LRCH1: variants seen among roughly 807,000 people sequenced by gnomAD.
LRCH1 encodes the protein leucine rich repeats and calponin homology domain containing 1.
Under a neutral mutation model 94.9 loss-of-function variants are expected in LRCH1, and 23 were observed. That is an observed-to-expected ratio of 0.24 (90% CI 0.17 to 0.34). LRCH1 has a LOEUF of 0.34. Among genes scored for constraint, LRCH1 ranks in the 10% least tolerant of loss-of-function variants. The probability of loss-of-function intolerance (pLI) is 1.00; values close to 1 mark genes in which losing one functional copy is unlikely to be tolerated. For missense variants in LRCH1, 790 were observed against 945.9 expected (o/e 0.84, Z 2.16); for synonymous variants, 364 against 354.9 (o/e 1.03, Z -0.29).
At chr13:46,705,619 A>C in intron 13 of LRCH1, 2 of 491,246 alleles carry the variant, frequency 4.1e-6, no homozygotes, top group East Asian at 4.0e-5. Flanking sequence ...CCTGTGTGTC[A>C]GAACCTGGAG....
At chr13:46,638,893 G>A (rs905918552) in intron 1 of LRCH1, among the ~76,000 whole-genome samples, 8 of 152,088 alleles carry the variant, frequency 5.3e-5, no homozygotes, top group Admixed American at 1.3e-4. Context: ...GGTAGTTTTG[G>A]CTTTCCTTAT....
At chr13:46,687,828 T>G in intron 5 of LRCH1, 24 bp from the exon 6 acceptor site, 1 of 1,593,450 alleles carries the variant, frequency 6.3e-7, no homozygotes. Flanking sequence ...AAAATGAATA[T>G]GATTGCTATT....
At chr13:46,717,062 T>A (rs1872358675) in intron 16 of LRCH1, among the ~76,000 whole-genome samples, 1 of 152,130 alleles carries the variant, frequency 6.6e-6, no homozygotes, top group Admixed American at 6.5e-5. Context: ...GGCCTTTTTT[T>A]TTTTAAAACT....
Position 46,743,622 on chromosome 13 carries a change from T to C in LRCH1, c.*1774T>C. The C allele has an allele frequency of 1.0e-6, 1 of 985,556 alleles. No homozygotes were observed. The highest frequency in any genetic ancestry group is 4.7e-5 in the South Asian group (1 of 21,290). The allele number at this position is 985,556 out of a possible 1,614,324, so 61.1% of individuals were successfully genotyped here. ...TTCCAAGTTTTTATCAGCCCATTGA[T>C]ACATGTATTCATGAGCTCTCAGCAT... On this transcript the variant is annotated 3_prime_UTR_variant, in exon 20 of 20. Coordinates refer to ENST00000389797, the MANE Select transcript of LRCH1 (RefSeq NM_001164211.2).
rs796871473 is a variant in LRCH1, at chr13:46,742,064, C to T, written c.*216C>T. 5.9e-5 allele frequency: 83 copies of T among 1,402,362 alleles called. 1 individual carries two copies. The highest frequency in any genetic ancestry group is 2.3e-4 in the South Asian group (15 of 64,938). The allele number at this position is 1,402,362 out of a possible 1,614,324, so 86.9% of individuals were successfully genotyped here. A position where few individuals can be genotyped will look rare whatever the true frequency, so the allele number is the denominator to read the frequency against. On this transcript the variant is annotated 3_prime_UTR_variant, in exon 20 of 20. Transcript: ENST00000389797. ...ATTCCTCTCACTTACTGAAATACAA[C>T]GACGACGACTGCAAAGTGTATGCAC...
In LRCH1 at chr13:46,692,649, A is replaced by T; in HGVS notation, c.1120+8A>T. 1.2e-6 allele frequency: 2 copies of T among 1,605,692 alleles called. No individual in the cohort carries two copies. The highest frequency in any genetic ancestry group is 1.7e-6 in the Non-Finnish European group (2 of 1,173,002). On this transcript the variant is annotated splice_region_variant and intron_variant, in intron 8 of 19. Coordinates refer to ENST00000389797, the MANE Select transcript of LRCH1 (RefSeq NM_001164211.2). ...GCCTTAGCCCCGTTAAAGGTCTGAG[A>T]ATAAAAATGTGGAGAAAGTGCTTGT...
chr13:46,570,322 G>A (rs746536778), intron 1 of LRCH1, among the ~76,000 whole-genome samples: 2 of 152,186 alleles, frequency 1.3e-5, no homozygotes, highest in African/African-American at 2.4e-5. Flanking sequence ...GACATTGACT[G>A]TGCCTTTGCT....
rs2051311563 is a variant in LRCH1 at position 46,652,068 on chromosome 13, T to TG, written c.452+1723_452+1724insG. Among the ~76,000 whole-genome samples, 5 of 134,946 alleles carry TG rather than the reference T, an allele frequency of 3.7e-5. 1 individual carries two copies. Among genetic ancestry groups the TG allele is most frequent in the Admixed American group, 2.2e-4 (3 of 13,480 alleles). 88.5% of individuals were successfully genotyped at this position (134,946 alleles called of 152,430 possible). ...AGGCCTGCTGATGTTTTTTTTTTTTTTTTTTTTGTTTTGTTTTGTTTGTTT... is the reference window on the plus strand; with the variant it reads ...AGGCCTGCTGATGTTTTTTTTTTTTTGTTTTTTTGTTTTGTTTTGTTTGTTT... On this transcript the variant is annotated intron_variant, in intron 2 of 19. Transcript: ENST00000389797.
rs202211483 is a variant in LRCH1 at position 46,692,576 on chromosome 13, C to T, written c.1055C>T (p.Ser352Leu). 394 of 1,613,954 alleles carry T rather than the reference C, an allele frequency of 2.4e-4. No individual in the cohort carries two copies. The highest frequency in any genetic ancestry group is 3.2e-4 in the Non-Finnish European group (377 of 1,179,980). ...EDTVSLNVPM[S>L]NIMEEEQIIK... ...ACTGTTAGCCTCAATGTGCCAATGT[C>T]AAACATCATGGAAGAAGAACAGATC... Residue 352 changes from serine (S) to leucine (L), a missense_variant, in exon 8 of 20, where the codon TCA becomes TTA. Ser to Leu is a moderately radical substitution (Grantham distance 145). This residue lies in a region of LRCH1 where 460 missense variants were observed against 508.9 expected (regional missense o/e 0.90). Transcript: ENST00000389797.
chr13:46,705,240 C>T (rs1871693056), intron 12 of LRCH1, 28 bp from the exon 13 acceptor site: 6 of 1,511,694 alleles, frequency 4.0e-6, no homozygotes, highest in African/African-American at 1.4e-5. Flanking sequence ...CACTTTGTAT[C>T]TTTTTTTTTC....
intron 1 of LRCH1, among the ~76,000 whole-genome samples, chr13:46,571,011 C>T (rs752792379): frequency 1.3e-4 from 20 of 152,338 alleles, no homozygotes; most frequent in Non-Finnish European, 2.2e-4. Context: ...TAAAAGGTAA[C>T]GGCCAGTTGC....
At chr13:46,728,316 A>G (rs1451302990) in intron 17 of LRCH1, among the ~76,000 whole-genome samples, 1 of 152,024 alleles carries the variant, frequency 6.6e-6, no homozygotes, top group Non-Finnish European at 1.5e-5. Context: ...CCTGGGTTCA[A>G]GTGATTCTCC....
chr13:46,565,812 A>AAAG (rs2050176709), intron 1 of LRCH1, among the ~76,000 whole-genome samples: 1 of 140,146 alleles, frequency 7.1e-6, no homozygotes. Context: ...TCTGTCTCCA[A>AAAG]AATAATAATA....
At chr13:46,617,250 GGCAGAGGA>G (rs2050821115) in intron 1 of LRCH1, among the ~76,000 whole-genome samples, 1 of 152,094 alleles carries the variant, frequency 6.6e-6, no homozygotes, top group African/African-American at 2.4e-5. Flanking sequence ...CTTCATTTCA[GGCAGAGGA>G]GCAGAGGAGT....
At chr13:46,731,422 G>A (rs1477232274) in intron 18 of LRCH1, among the ~76,000 whole-genome samples, 2 of 151,860 alleles carry the variant, frequency 1.3e-5, no homozygotes, top group African/African-American at 4.8e-5. Context: ...CTAGAGACGG[G>A]GTTTCACCAT....
chr13:46,676,322 A>G (rs1460734878), intron 3 of LRCH1, among the ~76,000 whole-genome samples: 1 of 152,162 alleles, frequency 6.6e-6, no homozygotes, highest in Admixed American at 6.5e-5. Flanking sequence ...CTGTTAAGAA[A>G]TCAAAATTGA....
Position 46,728,940 on chromosome 13 carries a change from C to A in LRCH1, c.1963C>A (p.Arg655Ser), listed in dbSNP as rs138553983. The change falls in exon 18 of 20, where the codon CGC becomes AGC. Residue 655 changes from arginine to serine, a missense_variant. Around this residue, in one of 3 missense-constraint regions of LRCH1, gnomAD observed 460 missense variants for 508.9 expected, o/e 0.90. Transcript: ENST00000389797. ...VVLCHLVNHI[R>S]PRSVASIHVP... Reference sequence around the variant, plus strand: ...CCTCTGCCATCTGGTCAACCACATCCGCCCACGGTCGGTTGCAAGCATCCA... The same window carrying A: ...CCTCTGCCATCTGGTCAACCACATCAGCCCACGGTCGGTTGCAAGCATCCA... The A allele has an allele frequency of 6.2e-7, 1 of 1,613,548 alleles. No homozygotes were observed. Among genetic ancestry groups the A allele is most frequent in the Non-Finnish European group, 8.5e-7 (1 of 1,179,708 alleles).
intron 4 of LRCH1, among the ~76,000 whole-genome samples, chr13:46,685,036 A>G (rs1362478010): frequency 3.3e-5 from 5 of 152,084 alleles, no homozygotes; most frequent in Non-Finnish European, 7.4e-5. Context: ...GAATTCCTTG[A>G]GTGTTTTAAA....
intron 2 of LRCH1, among the ~76,000 whole-genome samples, chr13:46,653,965 CT>C (rs1263094530): frequency 1.2e-4 from 18 of 152,190 alleles, no homozygotes; most frequent in Non-Finnish European, 7.3e-5. Flanking sequence ...TGAAACATGT[CT>C]TCTAGGAATT....
Sources: gnomAD v4.1 joint callset for allele counts (sites outside exome capture counted in the v4.1 genomes callset) on GRCh38, gnomAD v4.1.1 for gene constraint, gnomAD v4.1.1 regional missense constraint, MANE v1.5 for transcripts, NCBI Gene and HGNC (gene_info 2026-07-23, HGNC 2026-07-21) for gene names.